Variants in LRRC37A2 observed in about 807,000 individuals in gnomAD.
LRRC37A2 encodes the protein leucine rich repeat containing 37 member A2.
A neutral mutation model predicts 68.8 loss-of-function variants in LRRC37A2; 9 were observed. That is an observed-to-expected ratio of 0.13 (90% CI 0.08 to 0.23). LRRC37A2 has a LOEUF of 0.23. Among genes scored for constraint, LRRC37A2 ranks in the 10% least tolerant of loss-of-function variants. LRRC37A2 has a pLI of 1.00. For synonymous variants in LRRC37A2, 63 were observed against 367.6 expected, an observed-to-expected ratio of 0.17 and a Z score of 9.48; for missense variants, 168 against 950.4, an observed-to-expected ratio of 0.18 and a Z score of 10.82.
chr17:46,699,402 G>GACAC, the LRRC37A2 span, among the ~76,000 whole-genome samples: 125 of 148,306 alleles, frequency 8.4e-4, no homozygotes, highest in Middle Eastern at 6.9e-3. Flanking sequence ...ATAAACTGAG[G>GACAC]ACACACACAC....
At chr17:46,499,647 G>A in the LRRC37A2 span, among the ~76,000 whole-genome samples, 2 of 113,566 alleles carry the variant, frequency 1.8e-5, no homozygotes, top group Non-Finnish European at 3.3e-5. Context: ...TTGTGCTCAC[G>A]CTGTCATGGA....
chr17:46,773,096 C>T, the LRRC37A2 span, among the ~76,000 whole-genome samples: 1 of 152,132 alleles, frequency 6.6e-6, no homozygotes, highest in Non-Finnish European at 1.5e-5. Context: ...ACTTGAGGCA[C>T]AGCCAGTTAG....
the LRRC37A2 span, among the ~76,000 whole-genome samples, chr17:46,945,724 T>C: frequency 6.6e-6 from 1 of 151,960 alleles, no homozygotes; most frequent in African/African-American, 2.4e-5. Context: ...CCTCTAAGAG[T>C]TTCTTGTGCC....
the LRRC37A2 span, chr17:46,875,017 GAGGGCGGC>G: frequency 6.2e-7 from 1 of 1,609,234 alleles, no homozygotes; most frequent in South Asian, 1.1e-5. Context: ...CTGGCCCTCA[GAGGGCGGC>G]AGGCAACCTC....
chr17:46,457,733 AG>A, the LRRC37A2 span, among the ~76,000 whole-genome samples: 1 of 107,324 alleles, frequency 9.3e-6, no homozygotes, highest in Non-Finnish European at 2.2e-5. Context: ...CCTGGCTTGG[AG>A]GCCTTTGGGC....
the LRRC37A2 span, among the ~76,000 whole-genome samples, chr17:46,811,670 T>A: frequency 6.6e-6 from 1 of 151,994 alleles, no homozygotes; most frequent in Non-Finnish European, 1.5e-5. Flanking sequence ...TTCTAGAAAC[T>A]CTGGCTGGGT....
At chr17:46,784,783 T>C in the LRRC37A2 span, among the ~76,000 whole-genome samples, 1 of 150,730 alleles carries the variant, frequency 6.6e-6, no homozygotes, top group Non-Finnish European at 1.5e-5. Context: ...TTTTCTTTTT[T>C]TTTTTTTTTT....
the LRRC37A2 span, chr17:46,877,172 T>C: frequency 1.2e-6 from 1 of 803,166 alleles, no homozygotes; most frequent in Admixed American, 6.2e-5. Context: ...GGAGCCTGGC[T>C]GAGATGGGTC....
At chr17:46,792,541 T>C in the LRRC37A2 span, among the ~76,000 whole-genome samples, 1 of 152,144 alleles carries the variant, frequency 6.6e-6, no homozygotes, top group Admixed American at 6.5e-5. Context: ...TGGTGCCGTG[T>C]TGGTTTACTG....
chr17:46,605,655 C>A, the LRRC37A2 span, among the ~76,000 whole-genome samples: 1 of 66,056 alleles, frequency 1.5e-5, no homozygotes, highest in Admixed American at 1.6e-4. Flanking sequence ...GACAAACACT[C>A]AATGTTGTAA....
chr17:46,574,907 C>T, the LRRC37A2 span, among the ~76,000 whole-genome samples: 1 of 47,566 alleles, frequency 2.1e-5, no homozygotes, highest in Admixed American at 2.0e-4. Flanking sequence ...ACCAGCCTGC[C>T]CAACATGGTG....
chr17:46,626,045 A>C, the LRRC37A2 span, among the ~76,000 whole-genome samples: 725 of 148,228 alleles, frequency 4.9e-3, 1 homozygote, highest in Non-Finnish European at 7.4e-3. Context: ...TTAGCACAAA[A>C]TTTTTTAAAA....
the LRRC37A2 span, among the ~76,000 whole-genome samples, chr17:46,787,249 C>T: frequency 4.7e-5 from 7 of 150,326 alleles, no homozygotes; most frequent in Admixed American, 2.7e-4. Context: ...CCAATAAAGA[C>T]CTGTTGAAGA....
the LRRC37A2 span, chr17:46,978,948 G>A: frequency 2.7e-6 from 4 of 1,454,588 alleles, no homozygotes; most frequent in Admixed American, 2.7e-5. Context: ...CGGCCCCGGC[G>A]CCGCCGCCCA....
chr17:46,779,009 G>A, the LRRC37A2 span, among the ~76,000 whole-genome samples: 2 of 139,856 alleles, frequency 1.4e-5, no homozygotes, highest in Non-Finnish European at 3.1e-5. Flanking sequence ...AAGAAGAGAG[G>A]TAGTGGTAGT....
chr17:46,880,930 G>A, the LRRC37A2 span, among the ~76,000 whole-genome samples: 4 of 152,188 alleles, frequency 2.6e-5, no homozygotes, highest in South Asian at 8.3e-4. Context: ...AGGGTGGGGC[G>A]GGATGAAGCC....
the LRRC37A2 span, chr17:47,019,240 C>T: frequency 1.3e-6 from 2 of 1,543,814 alleles, no homozygotes; most frequent in Admixed American, 1.7e-5. Flanking sequence ...GTTGAACCTT[C>T]TACAGCCCTG....
At chr17:46,863,824 G>A in the LRRC37A2 span, among the ~76,000 whole-genome samples, 119 of 152,130 alleles carry the variant, frequency 7.8e-4, 1 homozygote, top group Non-Finnish European at 1.5e-3. Flanking sequence ...AGTCCTAGTG[G>A]TTCTATTCCC....
the LRRC37A2 span, among the ~76,000 whole-genome samples, chr17:46,741,040 G>A: frequency 6.6e-6 from 1 of 152,148 alleles, no homozygotes; most frequent in East Asian, 1.9e-4. Flanking sequence ...GGGGGCAGGG[G>A]CAAGAGTGGA....
Sources: allele counts gnomAD v4.1 joint callset (sites outside exome capture counted in the v4.1 genomes callset), GRCh38; gene constraint gnomAD v4.1.1; transcripts MANE v1.5; gene names NCBI Gene and HGNC (gene_info 2026-07-23, HGNC 2026-07-21).